MYO9B: variants seen among roughly 807,000 people sequenced by gnomAD.
The protein encoded by MYO9B is unconventional myosin-IXb.
A neutral mutation model predicts 229.5 loss-of-function variants in MYO9B; 71 were observed. The observed-to-expected ratio is 0.31, with a 90% CI of 0.26 to 0.38. The LOEUF is 0.38. Among genes scored for constraint, MYO9B ranks in the 10% least tolerant of loss-of-function variants. The probability of loss-of-function intolerance (pLI) is 1.00; values close to 1 mark genes in which losing one functional copy is unlikely to be tolerated. For missense variants in MYO9B, 2,255 were observed against 2,920.5 expected, an observed-to-expected ratio of 0.77 and a Z score of 5.25; for synonymous variants, 1,185 against 1,235.8, an observed-to-expected ratio of 0.96 and a Z score of 0.86.
At chr19:17,116,498 C>T (rs924090897) in intron 2 of MYO9B, among the ~76,000 whole-genome samples, 1 of 152,128 alleles carries the variant, frequency 6.6e-6, no homozygotes, top group African/African-American at 2.4e-5. Context: ...TGAATTATGG[C>T]ATGAGGACAG....
intron 1 of MYO9B, among the ~76,000 whole-genome samples, chr19:17,096,480 C>T (rs188229163): frequency 2.6e-4 from 39 of 151,490 alleles, no homozygotes; most frequent in East Asian, 1.2e-3. Flanking sequence ...GCAAAACCCC[C>T]TCTCTGCAAA....
intron 2 of MYO9B, among the ~76,000 whole-genome samples, chr19:17,131,651 G>A (rs1044384574): frequency 9.2e-5 from 14 of 152,158 alleles, no homozygotes; most frequent in African/African-American, 3.1e-4. Context: ...AGGCAGGGGC[G>A]TTTGGAAGGC....
At chr19:17,156,231 G>T (rs1326998007) in intron 6 of MYO9B, among the ~76,000 whole-genome samples, 4 of 151,930 alleles carry the variant, frequency 2.6e-5, no homozygotes, top group East Asian at 1.9e-4. Flanking sequence ...AGAGGGATCC[G>T]TACACTTCTT....
At chr19:17,198,095 G>A in intron 23 of MYO9B, 89 bp from the exon 24 acceptor site, 2 of 1,545,854 alleles carry the variant, frequency 1.3e-6, no homozygotes, top group Non-Finnish European at 1.7e-6. Flanking sequence ...GAGGTCGGTG[G>A]ATGGAGTGTA....
chr19:17,155,093 G>A (rs964187244), intron 6 of MYO9B, among the ~76,000 whole-genome samples: 2 of 152,068 alleles, frequency 1.3e-5, no homozygotes, highest in African/African-American at 4.8e-5. Context: ...GGATTGTACC[G>A]CTTCATTTCA....
At chr19:17,126,656 C>CT (rs70950305) in intron 2 of MYO9B, among the ~76,000 whole-genome samples, 6 of 146,676 alleles carry the variant, frequency 4.1e-5, no homozygotes, top group South Asian at 2.1e-4. Context: ...GATCTTTTGA[C>CT]TTTTTTTTTT....
At chr19:17,092,144 A>T (rs2123480890) in intron 1 of MYO9B, among the ~76,000 whole-genome samples, 1 of 152,316 alleles carries the variant, frequency 6.6e-6, no homozygotes, top group Admixed American at 6.5e-5. Context: ...GAAAGAGCCC[A>T]TCCTTGGGTT....
chr19:17,098,754 C>T (rs1479600826), intron 1 of MYO9B, among the ~76,000 whole-genome samples: 1 of 152,018 alleles, frequency 6.6e-6, no homozygotes, highest in Non-Finnish European at 1.5e-5. Flanking sequence ...TATAGTGAGG[C>T]CCCCATCTCT....
In MYO9B at chr19:17,157,030, C is replaced by T; in HGVS notation, c.1321C>T (p.Leu441Phe). The T allele has an allele frequency of 1.2e-6, 2 of 1,613,336 alleles. No homozygotes were observed. Among genetic ancestry groups the T allele is most frequent in the Non-Finnish European group, 1.7e-6 (2 of 1,179,642 alleles). Residue 441 changes from leucine (L) to phenylalanine (F), a missense_variant, in exon 7 of 40, where the codon CTT becomes TTT. Transcript: ENST00000682292. ...CGAGGTGCTGGACACCCTGTCGCAG[C>T]TTCTGAAGGTACTGATTGCCACCTC... Reference protein sequence around the residue: ...PPEVLDTLSQLLKVKREILVE... With the variant: ...PPEVLDTLSQFLKVKREILVE...
Position 17,102,483 on chromosome 19 carries a change from C to G in MYO9B, c.766C>G (p.Leu256Val). 6.2e-7 allele frequency: 1 copy of G among 1,613,714 alleles called. No homozygotes were observed. The highest frequency in any genetic ancestry group is 1.1e-5 in the South Asian group (1 of 91,072). The change falls in exon 2 of 40, where the codon CTC (leucine) becomes GTC (valine). Residue 256 changes from leucine to valine, a missense_variant. Transcript: ENST00000682292. The stretch of plus-strand genomic sequence containing the variant: ...GAGCACCAACTTCCTCATCCACTGC[C>G]TCACCGCCCTCAGCCAGAAGGGCTA... ...TQSTNFLIHC[L>V]TALSQKGYAS...
intron 24 of MYO9B, among the ~76,000 whole-genome samples, chr19:17,199,986 C>A (rs920604899): frequency 2.0e-5 from 3 of 152,114 alleles, no homozygotes; most frequent in African/African-American, 7.2e-5. Context: ...ATTCTCCTGC[C>A]TCAACCTCCC....
chr19:17,155,732 C>CTCTGGCCCGGGCGCA (rs2072529598), intron 6 of MYO9B, among the ~76,000 whole-genome samples: 2 of 151,798 alleles, frequency 1.3e-5, no homozygotes, highest in South Asian at 4.2e-4. Flanking sequence ...AAGATGGCAC[C>CTCTGGCCCGGGCGCA]TCTGGCCCGG....
At position 17,172,601 on chromosome 19, in the gene MYO9B, C is replaced by T. The variant is rs191672822; in HGVS notation, c.1935+124C>T. 3.1e-4 allele frequency: 450 copies of T among 1,459,284 alleles called. 2 individuals carry two copies. In the African/African-American group the frequency reaches 5.2e-3, roughly 17 times the overall value. 90.4% of individuals were successfully genotyped at this position (1,459,284 alleles called of 1,614,324 possible). A position where few individuals can be genotyped will look rare whatever the true frequency, so the allele number is the denominator to read the frequency against. On this transcript the variant is annotated intron_variant, in intron 12 of 39. Transcript: ENST00000682292. The surrounding 1 kb of genome is among the most constrained non-coding windows in gnomAD (Gnocchi z 8.2). ...GTGCTCAGAACCCACCGCGAATCCC[C>T]GGCTCCAATGTCCAAGGCGCCATAG...
intron 1 of MYO9B, among the ~76,000 whole-genome samples, chr19:17,091,492 A>T (rs966146306): frequency 6.6e-6 from 1 of 152,224 alleles, no homozygotes; most frequent in Non-Finnish European, 1.5e-5. Context: ...GGGTCACTTG[A>T]GGTCAGGAGT....
At chr19:17,103,074 T>G (rs2057760981) in intron 2 of MYO9B, among the ~76,000 whole-genome samples, 1 of 148,142 alleles carries the variant, frequency 6.8e-6, no homozygotes, top group Admixed American at 6.7e-5. Context: ...AAAAAAAGAT[T>G]ACCGAAGTGC....
rs1599374952 is a variant in MYO9B at position 17,153,897 on chromosome 19, T to A, written c.999-70T>A. The A allele has an allele frequency of 3.6e-6, 4 of 1,098,216 alleles. No individual in the cohort carries two copies. In the South Asian group the frequency reaches 5.0e-5, roughly 14 times the overall value. The allele number at this position is 1,098,216 out of a possible 1,614,324, so 68.0% of individuals were successfully genotyped here. On this transcript the variant is annotated intron_variant, in intron 4 of 39. Coordinates refer to ENST00000682292, the MANE Select transcript of MYO9B (RefSeq NM_004145.4). ...GGTGTGCTCTCCAAAGCCATGTTAG[T>A]AGTGGTTCGCAGAGTAGCTATTACT...
chr19:17,187,640 G>A (rs1360241947), intron 18 of MYO9B, among the ~76,000 whole-genome samples: 1 of 148,724 alleles, frequency 6.7e-6, no homozygotes, highest in Admixed American at 6.8e-5. Context: ...GGCTGGTCTC[G>A]AACTCCTGGC....
At chr19:17,150,606 C>T (rs2072467021) in intron 3 of MYO9B, among the ~76,000 whole-genome samples, 1 of 99,224 alleles carries the variant, frequency 1.0e-5, no homozygotes, top group African/African-American at 2.7e-5. Context: ...CTGTGATAGA[C>T]CGGCCCCACC....
In MYO9B at chr19:17,188,061, A is replaced by G. The variant is rs779233154; in HGVS notation, c.2688+16A>G. The G allele has an allele frequency of 5.1e-6, 8 of 1,559,750 alleles. No individual in the cohort carries two copies. The highest frequency in any genetic ancestry group is 7.0e-6 in the Non-Finnish European group (8 of 1,148,786). On this transcript the variant is annotated intron_variant, in intron 19 of 39. Coordinates refer to ENST00000682292, the MANE Select transcript of MYO9B (RefSeq NM_004145.4). ...CACGTTCCAGGTAGGCCACAAGCAC[A>G]TATACCTGGACACACCTGTTCCGTG...
Sources: allele counts gnomAD v4.1 joint callset (sites outside exome capture counted in the v4.1 genomes callset), GRCh38; gene constraint gnomAD v4.1.1; non-coding constraint Gnocchi (gnomAD v3.1); transcripts MANE v1.5; gene names NCBI Gene and HGNC (gene_info 2026-07-23, HGNC 2026-07-21).